The following EGLN1 variants were observed in gnomAD, a reference collection of about 807,000 sequenced individuals.
EGLN1 encodes egl nine homolog 1.
A neutral mutation model predicts 38.3 loss-of-function variants in EGLN1; 17 were observed. That is an observed-to-expected ratio of 0.44 (90% CI 0.30 to 0.67). The LOEUF (loss-of-function observed/expected upper bound fraction) is 0.67, where lower values mean the gene tolerates loss of function less well. EGLN1 is among the 30% of genes least tolerant of loss of function. The pLI is 0.08. For synonymous variants in EGLN1, 283 were observed against 257.5 expected, an observed-to-expected ratio of 1.10 and a Z score of -0.95; for missense variants, 477 against 603.3, an observed-to-expected ratio of 0.79 and a Z score of 2.19.
intron 1 of EGLN1, among the ~76,000 whole-genome samples, chr1:231,413,718 G>T (rs1028444888): frequency 3.9e-5 from 6 of 152,134 alleles, no homozygotes; most frequent in Non-Finnish European, 7.4e-5. Context: ...GCCTGTATGT[G>T]CAGGGTACTC....
chr1:231,422,106 C>G lies in EGLN1; in HGVS notation c.-218G>C, dbSNP rs991095155. The G allele has an allele frequency of 4.9e-6, 2 of 408,778 alleles. No homozygotes were observed. Among genetic ancestry groups the G allele is most frequent in the Non-Finnish European group, 8.4e-6 (2 of 237,052 alleles). 25.3% of individuals were successfully genotyped at this position (408,778 alleles called of 1,614,324 possible). On this transcript the variant is annotated 5_prime_UTR_variant, in exon 1 of 5. Transcript: ENST00000366641. ...CGCAGCGCCGGCAGCCGCCTCAGCGCCTCATCGCCGCCGAGGGCTGAGAGA... is the reference window on the plus strand; with the variant it reads ...CGCAGCGCCGGCAGCCGCCTCAGCGGCTCATCGCCGCCGAGGGCTGAGAGA...
chr1:231,420,195 G>C (rs185823323), intron 1 of EGLN1: 1 of 152,166 alleles, frequency 6.6e-6, no homozygotes, highest in African/African-American at 2.4e-5. Flanking sequence ...AGGATAAAAC[G>C]AGCCCTCCTG....
chr1:231,400,462 T>C (rs1688638279), intron 1 of EGLN1, among the ~76,000 whole-genome samples: 2 of 152,142 alleles, frequency 1.3e-5, no homozygotes, highest in Admixed American at 1.3e-4. Flanking sequence ...TCTGCATACA[T>C]TGCCTGAGTT....
At chr1:231,407,866 A>G (rs1244140242) in intron 1 of EGLN1, among the ~76,000 whole-genome samples, 2 of 152,080 alleles carry the variant, frequency 1.3e-5, no homozygotes, top group Non-Finnish European at 2.9e-5. Context: ...CAAGCAAAGA[A>G]AGGCGAGTTT....
rs557700704 is a variant in EGLN1 at position 231,384,358 on chromosome 1, C to A, written c.892-10259G>T. On this transcript the variant is annotated intron_variant, in intron 1 of 4. Coordinates refer to ENST00000366641, the MANE Select transcript of EGLN1 (RefSeq NM_022051.3). ...GGAAAAGAAAGAGAAAAAATTAAGT[C>A]AATATATAGCATAATATAAGAAATG... 1.5e-3 allele frequency among the ~76,000 whole-genome samples: 217 copies of A among 148,076 alleles called. 2 individuals are homozygous for A. The highest frequency in any genetic ancestry group is 4.9e-3 in the African/African-American group (199 of 40,264).
intron 1 of EGLN1, among the ~76,000 whole-genome samples, chr1:231,399,965 A>G (rs1020580523): frequency 6.6e-6 from 1 of 152,184 alleles, no homozygotes; most frequent in African/African-American, 2.4e-5. Context: ...AAGTTAACAA[A>G]CAAGCAACTA....
chr1:231,405,331 C>G (rs953626300), intron 1 of EGLN1, among the ~76,000 whole-genome samples: 1 of 152,026 alleles, frequency 6.6e-6, no homozygotes, highest in Admixed American at 6.5e-5. Context: ...AGGTGCCCGC[C>G]ACCATGCCCG....
In EGLN1 at chr1:231,365,740, T is replaced by C. The variant is rs1423975116; in HGVS notation, c.*671A>G. ...TAGTAAATGGTGACTGTTTTACAAT[T>C]AGGTTTCGTTATTGACAATGTCAAA... On this transcript the variant is annotated 3_prime_UTR_variant, in exon 5 of 5. Coordinates refer to ENST00000366641, the MANE Select transcript of EGLN1 (RefSeq NM_022051.3). 2.0e-5 allele frequency: 3 copies of C among 152,200 alleles called. No individual in the cohort carries two copies. Among genetic ancestry groups the C allele is most frequent in the African/African-American group, 7.3e-5 (3 of 41,340 alleles). The allele number at this position is 152,200 out of a possible 1,614,324, so 9.4% of individuals were successfully genotyped here.
chr1:231,369,046 T>A (rs1687743810), intron 3 of EGLN1, among the ~76,000 whole-genome samples: 1 of 152,158 alleles, frequency 6.6e-6, no homozygotes, highest in Non-Finnish European at 1.5e-5. Flanking sequence ...CAACTTACCT[T>A]ATGTCATTCT....
intron 1 of EGLN1, among the ~76,000 whole-genome samples, chr1:231,412,658 G>A (rs1224759777): frequency 1.3e-5 from 2 of 152,202 alleles, no homozygotes; most frequent in Non-Finnish European, 2.9e-5. Context: ...AACCTCTAGA[G>A]AAGAAAGGAT....
Position 231,367,576 on chromosome 1 carries a change from A to G in EGLN1, c.1209T>C (p.Tyr403=), listed in dbSNP as rs778151367. ...GCCCCAAATGACGTTTACCTGTTAG[A>G]TATTTTACTTTAGCTCGTGCTCTCT... The part of the protein sequence containing the change: ...ADERARAKVK[Y]LTGEKGVRVE... Residue 403 remains tyrosine, a synonymous_variant, in exon 4 of 5, where the codon TAT becomes TAC. Transcript: ENST00000366641. The G allele has an allele frequency of 1.9e-6, 3 of 1,613,942 alleles. No individual in the cohort carries two copies. The highest frequency in any genetic ancestry group is 1.1e-5 in the South Asian group (1 of 91,090).
chr1:231,370,416 T>C, intron 3 of EGLN1, 146 bp downstream of exon 3: 1 of 875,940 alleles, frequency 1.1e-6, no homozygotes, highest in Non-Finnish European at 1.8e-6. Flanking sequence ...CTGTGCAACA[T>C]AAATCTTATA....
At position 231,394,545 on chromosome 1, in the gene EGLN1, ATTT is replaced by A. The variant is rs59597792; in HGVS notation, c.892-20449_892-20447del. Among the ~76,000 whole-genome samples, 207 of 141,372 alleles carry A rather than the reference ATTT, an allele frequency of 1.5e-3. 3 individuals are homozygous for A. The highest frequency in any genetic ancestry group is 3.0e-3 in the South Asian group (13 of 4,382). The allele number at this position is 141,372 out of a possible 152,430, so 92.7% of individuals were successfully genotyped here. A position where few individuals can be genotyped will look rare whatever the true frequency, so the allele number is the denominator to read the frequency against. On this transcript the variant is annotated intron_variant, in intron 1 of 4. Coordinates refer to ENST00000366641, the MANE Select transcript of EGLN1 (RefSeq NM_022051.3). ...AGGCGCCCGCCACCACGCCCGACTA[ATTT>A]TTTTTTTTTTTTTTGTATTTTTAGT...
At chr1:231,419,738 T>C (rs184500547) in intron 1 of EGLN1, among the ~76,000 whole-genome samples, 15 of 152,350 alleles carry the variant, frequency 9.8e-5, no homozygotes, top group African/African-American at 3.4e-4. Context: ...AATAGGTAAA[T>C]TAGACTCCAC....
chr1:231,397,461 T>C (rs756630620), intron 1 of EGLN1, among the ~76,000 whole-genome samples: 2 of 152,226 alleles, frequency 1.3e-5, no homozygotes, highest in Admixed American at 6.5e-5. Context: ...AGGCCAAATA[T>C]GGCCTACCAC....
At chr1:231,368,734 G>A (rs2102891959) in intron 3 of EGLN1, among the ~76,000 whole-genome samples, 1 of 152,278 alleles carries the variant, frequency 6.6e-6, no homozygotes, top group East Asian at 1.9e-4. Flanking sequence ...TAATATGACA[G>A]AATGAAAAAT....
At chr1:231,397,161 A>C (rs1688550947) in intron 1 of EGLN1, among the ~76,000 whole-genome samples, 1 of 152,242 alleles carries the variant, frequency 6.6e-6, no homozygotes, top group Admixed American at 6.5e-5. Flanking sequence ...CTTATCCAAC[A>C]AATGGCAGAA....
In EGLN1 at chr1:231,420,008, G is replaced by T. The variant is rs548088326; in HGVS notation, c.891+990C>A. Among the ~76,000 whole-genome samples, 5 of 152,278 alleles carry T rather than the reference G, an allele frequency of 3.3e-5. No homozygotes were observed. The East Asian group carries it at 9.6e-4, about 29-fold the overall frequency. On this transcript the variant is annotated intron_variant, in intron 1 of 4. Coordinates refer to ENST00000366641, the MANE Select transcript of EGLN1 (RefSeq NM_022051.3). ...GGCCTGGGAGCAGCCACAAAGAAAAGATCAAGATCTGAGAAGTAAAATGAA... is the reference window on the plus strand; with the variant it reads ...GGCCTGGGAGCAGCCACAAAGAAAATATCAAGATCTGAGAAGTAAAATGAA...
chr1:231,391,509 T>TA (rs1017607162), intron 1 of EGLN1, among the ~76,000 whole-genome samples: 4 of 152,106 alleles, frequency 2.6e-5, no homozygotes, highest in South Asian at 4.1e-4. Flanking sequence ...CAGACAGGAT[T>TA]AAAAAAATAT....
Sources: allele counts gnomAD v4.1 joint callset (sites outside exome capture counted in the v4.1 genomes callset), GRCh38; gene constraint gnomAD v4.1.1; transcripts MANE v1.5; gene names NCBI Gene and HGNC (gene_info 2026-07-23, HGNC 2026-07-21).